Variants in FAM217B observed in about 807,000 individuals in gnomAD.
FAM217B encodes family with sequence similarity 217 member B.
For missense variants in FAM217B, 463 were observed against 456.9 expected, an observed-to-expected ratio of 1.01 and a Z score of -0.12; for synonymous variants, 163 against 173.0, an observed-to-expected ratio of 0.94 and a Z score of 0.45.
Position 59,948,129 on chromosome 20 carries a change from T to C in FAM217B, c.*3034T>C, listed in dbSNP as rs191673932. ...AATGTAAAAAAGTACAAAAATGAAC[T>C]AAAAGTATATCAGTATTTGCAGTAT... On this transcript the variant is annotated 3_prime_UTR_variant, in exon 4 of 4. Coordinates refer to ENST00000360816, the MANE Select transcript of FAM217B (RefSeq NM_022106.3). 70 of 166,254 alleles carry C rather than the reference T, an allele frequency of 4.2e-4. No homozygotes were observed. Among genetic ancestry groups the C allele is most frequent in the Middle Eastern group, 3.4e-3 (1 of 296 alleles). The allele number at this position is 166,254 out of a possible 1,614,324, so 10.3% of individuals were successfully genotyped here. A position where few individuals can be genotyped will look rare whatever the true frequency, so the allele number is the denominator to read the frequency against.
upstream of FAM217B, chr20:59,937,390 T>C (rs2060868488): frequency 6.6e-6 from 1 of 152,606 alleles, no homozygotes; most frequent in Non-Finnish European, 1.5e-5. Context: ...TGCAATTTAG[T>C]CACAATATTT....
chr20:59,939,761 C>T, upstream of FAM217B: 3 of 1,221,014 alleles, frequency 2.5e-6, no homozygotes, highest in South Asian at 4.1e-5. Flanking sequence ...CGCAGCCCGA[C>T]GGCGCTGGCG....
At chr20:59,941,865 TC>T (rs2060907547) in intron 1 of FAM217B, among the ~76,000 whole-genome samples, 1 of 152,176 alleles carries the variant, frequency 6.6e-6, no homozygotes, top group Non-Finnish European at 1.5e-5. Flanking sequence ...CTTCCAGATT[TC>T]TTCAACATAT....
rs1046723587 is a variant in FAM217B, at chr20:59,944,426, T to C, written c.483T>C (p.Leu161=). ...GGGACCTACGAGATATGGCCCTGCT[T>C]CTGAACGCAGAGAACAAAACGGAAG... ...SSWDLRDMAL[L]LNAENKTEAV... The change falls in exon 4 of 4, where the codon CTT becomes CTC. Residue 161 remains leucine, a synonymous_variant. Transcript: ENST00000360816. 12 of 1,613,904 alleles carry C rather than the reference T, an allele frequency of 7.4e-6. No homozygotes were observed. Among genetic ancestry groups the C allele is most frequent in the Non-Finnish European group, 1.0e-5 (12 of 1,180,012 alleles).
At position 59,944,290 on chromosome 20, in the gene FAM217B, A is replaced by G. The variant is rs2060922698; in HGVS notation, c.347A>G (p.Asn116Ser). Residue 116 changes from asparagine (N) to serine (S), a missense_variant, in exon 4 of 4, where the codon AAT becomes AGT. By Grantham distance (46) the Asn-to-Ser change is conservative. Coordinates refer to ENST00000360816, the MANE Select transcript of FAM217B (RefSeq NM_022106.3). ...PPSPLTPPDL[N>S]LRAEEIDPVY... ...TCTCCCCTCACACCTCCAGATCTCA[A>G]TCTTCGAGCTGAAGAAATTGATCCA... is the stretch of plus-strand genomic sequence containing the variant. 1.9e-6 allele frequency: 3 copies of G among 1,614,058 alleles called. No homozygotes were observed. The African/African-American group carries it at 4.0e-5, about 22-fold the overall frequency.
chr20:59,939,791 C>T (rs1002147210), upstream of FAM217B: 291 of 1,227,598 alleles, frequency 2.4e-4, no homozygotes, highest in Non-Finnish European at 2.8e-4. Context: ...GCGCGCGGCC[C>T]GGGCTCCCAG....
At chr20:59,937,170 GC>G (rs1343258623), upstream of FAM217B, 1 of 152,572 alleles carries the variant, frequency 6.6e-6, no homozygotes, top group Non-Finnish European at 1.5e-5. Flanking sequence ...TTCTCTACAT[GC>G]CTTAAAATAA....
upstream of FAM217B, chr20:59,937,641 A>G (rs2060869909): frequency 6.6e-6 from 1 of 151,604 alleles, no homozygotes; most frequent in African/African-American, 2.4e-5. Flanking sequence ...AGCTTCACAA[A>G]TTGGAGATCT....
chr20:59,944,624 T>C lies in FAM217B; in HGVS notation c.681T>C (p.Ile227=), dbSNP rs766753556. The C allele has an allele frequency of 6.2e-7, 1 of 1,613,934 alleles. No homozygotes were observed. Among genetic ancestry groups the C allele is most frequent in the African/African-American group, 1.3e-5 (1 of 74,872 alleles). ...ALKSPGRSKL[I]ASALSKPLPH... ...AAAGCCCTGGGAGAAGTAAGCTAAT[T>C]GCTAGTGCTCTGTCCAAGCCACTAC... The change falls in exon 4 of 4, where the codon ATT becomes ATC. Residue 227 remains isoleucine (I), a synonymous_variant. Coordinates refer to ENST00000360816, the MANE Select transcript of FAM217B (RefSeq NM_022106.3).
chr20:59,944,575 C>A lies in FAM217B; in HGVS notation c.632C>A (p.Ala211Asp). The change falls in exon 4 of 4, where the codon GCC becomes GAC. Residue 211 changes from alanine (A) to aspartate (D), a missense_variant. Coordinates refer to ENST00000360816, the MANE Select transcript of FAM217B (RefSeq NM_022106.3). ...AKGGKARPPT[A>D]PGTSGALKSP... ...GGGGGCAAAGCAAGGCCCCCCACTG[C>A]CCCTGGGACCTCAGGGGCACTGAAA... The A allele has an allele frequency of 1.2e-6, 2 of 1,614,040 alleles. No individual in the cohort carries two copies. The highest frequency in any genetic ancestry group is 1.7e-6 in the Non-Finnish European group (2 of 1,180,024).
At position 59,942,997 on chromosome 20, in the gene FAM217B, T is replaced by G. The variant is rs117938365; in HGVS notation, c.-5+485T>G. Among the ~76,000 whole-genome samples the G allele has an allele frequency of 1.7e-3, 259 of 152,358 alleles. 1 individual carries two copies. Among genetic ancestry groups the G allele is most frequent in the Admixed American group, 3.1e-3 (47 of 15,310 alleles). ...TATTCAAATAGTTGCTTAGGTTGTT[T>G]GAAACCACTGGGCAAATGAACCTCT... On this transcript the variant is annotated intron_variant, in intron 3 of 3. Coordinates refer to ENST00000360816, the MANE Select transcript of FAM217B (RefSeq NM_022106.3).
At chr20:59,939,763 G>A, upstream of FAM217B, 3 of 1,222,126 alleles carry the variant, frequency 2.5e-6, no homozygotes, top group Non-Finnish European at 3.1e-6. Context: ...CAGCCCGACG[G>A]CGCTGGCGTT....
upstream of FAM217B, chr20:59,936,743 A>C (rs540615319): frequency 1.3e-5 from 2 of 152,354 alleles, no homozygotes; most frequent in Admixed American, 6.5e-5. Context: ...TGCATGTGAA[A>C]TGATTTAGAC....
At chr20:59,940,679 AC>A (rs2060898669) in intron 1 of FAM217B, 144 bp downstream of exon 1, 1 of 152,312 alleles carries the variant, frequency 6.6e-6, no homozygotes, top group Admixed American at 6.5e-5. Flanking sequence ...TGGTGCAAAA[AC>A]CGGCCTTGCC....
chr20:59,939,245 G>C (rs771395328), upstream of FAM217B: 3 of 1,611,122 alleles, frequency 1.9e-6, no homozygotes, highest in Non-Finnish European at 2.5e-6. Context: ...CCGTGCCCTC[G>C]GGGCCTGCGG....
In FAM217B at chr20:59,945,241, C is replaced by A; in HGVS notation, c.*146C>A. The A allele has an allele frequency of 1.5e-6, 1 of 679,492 alleles. No homozygotes were observed. The highest frequency in any genetic ancestry group is 2.4e-6 in the Non-Finnish European group (1 of 413,402). The allele number at this position is 679,492 out of a possible 1,614,324, so 42.1% of individuals were successfully genotyped here. ...GCATTTTTGTCCACCTTTATTTCTA[C>A]CCTGAGTGGGGTTATTTTCAAAGGG... On this transcript the variant is annotated 3_prime_UTR_variant, in exon 4 of 4. Transcript: ENST00000360816.
At chr20:59,936,959 A>AT (rs1472771435), upstream of FAM217B, 1 of 152,682 alleles carries the variant, frequency 6.5e-6, no homozygotes, top group African/African-American at 2.4e-5. Flanking sequence ...TCTAAGTAAT[A>AT]TAACTGTTTT....
upstream of FAM217B, chr20:59,939,740 C>T: frequency 3.2e-6 from 4 of 1,245,176 alleles, no homozygotes; most frequent in Non-Finnish European, 4.0e-6. Flanking sequence ...TGATGGGCCG[C>T]AGGCGGGGGT....
chr20:59,934,192 G>C (rs1235235324), intron 1 of FAM217B, among the ~76,000 whole-genome samples: 1 of 152,164 alleles, frequency 6.6e-6, no homozygotes, highest in Admixed American at 6.5e-5. Context: ...AGGGCCGCCT[G>C]GGCTCCTGGG....
Sources: gnomAD v4.1 joint callset for allele counts (sites outside exome capture counted in the v4.1 genomes callset) on GRCh38, gnomAD v4.1.1 for gene constraint, MANE v1.5 for transcripts, NCBI Gene and HGNC (gene_info 2026-07-23, HGNC 2026-07-21) for gene names.